YWHAZ: variants seen among roughly 807,000 people sequenced by gnomAD.
YWHAZ encodes 14-3-3 protein zeta/delta.
For missense variants in YWHAZ, 79 were observed against 284.8 expected, an observed-to-expected ratio of 0.28 and a Z score of 5.20; for synonymous variants, 87 against 103.6, an observed-to-expected ratio of 0.84 and a Z score of 0.97.
upstream of YWHAZ, chr8:100,952,795 G>A: frequency 1.0e-6 from 1 of 1,000,132 alleles, no homozygotes; most frequent in Non-Finnish European, 1.2e-6. Flanking sequence ...TCCCCGGCTG[G>A]GCCGACCGGG....
At chr8:100,941,572 G>C (rs980889127) in intron 2 of YWHAZ, among the ~76,000 whole-genome samples, 8 of 152,138 alleles carry the variant, frequency 5.3e-5, no homozygotes, top group Non-Finnish European at 1.0e-4. Flanking sequence ...ATCACCTGAG[G>C]TCAGGAGTTC....
chr8:100,942,464 G>A (rs759996125), intron 2 of YWHAZ, among the ~76,000 whole-genome samples: 24 of 152,170 alleles, frequency 1.6e-4, no homozygotes, highest in Non-Finnish European at 3.1e-4. Context: ...AAAAAAGAGA[G>A]AACTGCTGAT....
upstream of YWHAZ, chr8:100,952,087 CCGGCAGCAGGGGCA>C: frequency 1.0e-6 from 1 of 987,224 alleles, no homozygotes; most frequent in Non-Finnish European, 1.2e-6. Flanking sequence ...ATCACCAGCC[CCGGCAGCAGGGGCA>C]CCACACGCAC....
intron 2 of YWHAZ, among the ~76,000 whole-genome samples, chr8:100,933,824 A>G (rs1207427893): frequency 6.6e-6 from 1 of 152,138 alleles, no homozygotes; most frequent in Non-Finnish European, 1.5e-5. Context: ...CCTAAGCAAT[A>G]TAGCAAGACC....
At position 100,918,416 on chromosome 8, in the gene YWHAZ, A is replaced by ATATATATT. The variant is rs1383659068; in HGVS notation, c.*2276_*2277insAATATATA. The ATATATATT allele has an allele frequency of 3.7e-4, 24 of 64,830 alleles. No individual in the cohort carries two copies. The highest frequency in any genetic ancestry group is 6.1e-4 in the Non-Finnish European group (20 of 32,616). The allele number at this position is 64,830 out of a possible 1,614,324, so 4.0% of individuals were successfully genotyped here. A position where few individuals can be genotyped will look rare whatever the true frequency, so the allele number is the denominator to read the frequency against. ...TATAAAATATAATTACTTTATATAT[A>ATATATATT]TATATATATATATATATATATATAT... On this transcript the variant is annotated 3_prime_UTR_variant, in exon 6 of 6. Transcript: ENST00000395958.
At position 100,920,726 on chromosome 8, in the gene YWHAZ, G is replaced by A. The variant is rs201341083; in HGVS notation, c.705C>T (p.Asp235=). Residue 235 remains aspartate (D), a synonymous_variant, in exon 6 of 6, where the codon GAC becomes GAT. Coordinates refer to ENST00000395958, the MANE Select transcript of YWHAZ (RefSeq NM_145690.3). ...LTLWTSDTQG[D]EAEAGEGGEN ...CCCCTCCTTCTCCTGCTTCAGCTTC[G>A]TCTCCTTGGGTATCCGATGTCCACA... 365 of 1,466,928 alleles carry A rather than the reference G, an allele frequency of 2.5e-4. 3 individuals are homozygous for A. The East Asian group carries it at 8.7e-3, about 35-fold the overall frequency. 90.9% of individuals were successfully genotyped at this position (1,466,928 alleles called of 1,614,324 possible).
chr8:100,948,514 C>A lies in YWHAZ; in HGVS notation c.294+82G>T. On this transcript the variant is annotated intron_variant, in intron 2 of 5. Transcript: ENST00000395958. The surrounding 1 kb of genome is among the most constrained non-coding windows in gnomAD (Gnocchi z 4.2). ...ACAATGTTTAGAAGGAAAAGAAAAA[C>A]CAAACAAAAAGTTAAGAGTAATGTA... is the stretch of plus-strand genomic sequence containing the variant. 6.9e-7 allele frequency: 1 copy of A among 1,452,274 alleles called. No homozygotes were observed. Among genetic ancestry groups the A allele is most frequent in the Non-Finnish European group, 9.2e-7 (1 of 1,081,762 alleles). The allele number at this position is 1,452,274 out of a possible 1,614,324, so 90.0% of individuals were successfully genotyped here.
chr8:100,943,208 A>G (rs772725061), intron 2 of YWHAZ, among the ~76,000 whole-genome samples: 4 of 152,244 alleles, frequency 2.6e-5, no homozygotes, highest in Non-Finnish European at 5.9e-5. Flanking sequence ...CAGCAGTTCT[A>G]AGTCCCCTAA....
At chr8:100,932,770 T>C (rs554273819) in intron 2 of YWHAZ, among the ~76,000 whole-genome samples, 1 of 152,288 alleles carries the variant, frequency 6.6e-6, no homozygotes, top group Admixed American at 6.5e-5. Flanking sequence ...TGCAAGTGTT[T>C]TTCTTAGAGA....
intron 2 of YWHAZ, among the ~76,000 whole-genome samples, chr8:100,932,627 G>A (rs962847626): frequency 1.3e-5 from 2 of 152,068 alleles, no homozygotes; most frequent in Non-Finnish European, 2.9e-5. Context: ...AAAGTGAGAG[G>A]CTCAATTCAT....
chr8:100,950,767 C>T (rs1336533923), intron 1 of YWHAZ: 1 of 209,916 alleles, frequency 4.8e-6, no homozygotes, highest in Non-Finnish European at 8.3e-6. Flanking sequence ...ACACCCCGCT[C>T]TCCCACCCAG....
At chr8:100,936,081 C>T (rs943744627) in intron 2 of YWHAZ, among the ~76,000 whole-genome samples, 1 of 152,112 alleles carries the variant, frequency 6.6e-6, no homozygotes, top group African/African-American at 2.4e-5. Flanking sequence ...GCCAACCTGC[C>T]ACTATACACT....
In YWHAZ at chr8:100,922,099, G is replaced by T. The variant is rs1231853305; in HGVS notation, c.679-1347C>A. ...CTGTCAAACAAGGGGTTTTGTAATTGCAAGATGAAATTGTTTCTAATGTCT... is the reference window on the plus strand; with the variant it reads ...CTGTCAAACAAGGGGTTTTGTAATTTCAAGATGAAATTGTTTCTAATGTCT... On this transcript the variant is annotated intron_variant, in intron 5 of 5. Coordinates refer to ENST00000395958, the MANE Select transcript of YWHAZ (RefSeq NM_145690.3). The surrounding 1 kb of genome is among the most constrained non-coding windows in gnomAD (Gnocchi z 4.1). Among the ~76,000 whole-genome samples the T allele has an allele frequency of 6.6e-6, 1 of 152,188 alleles. No individual in the cohort carries two copies. Among genetic ancestry groups the T allele is most frequent in the Non-Finnish European group, 1.5e-5 (1 of 68,020 alleles).
intron 1 of YWHAZ, among the ~76,000 whole-genome samples, chr8:100,949,344 T>C (rs1810533179): frequency 6.6e-6 from 1 of 152,206 alleles, no homozygotes; most frequent in Non-Finnish European, 1.5e-5. Flanking sequence ...AGAATCATAA[T>C]TCATATCAGT....
chr8:100,938,624 T>A (rs1369094232), intron 2 of YWHAZ, among the ~76,000 whole-genome samples: 1 of 152,234 alleles, frequency 6.6e-6, no homozygotes, highest in African/African-American at 2.4e-5. Context: ...AATTTTCCTA[T>A]AATTTTTATT....
In YWHAZ at chr8:100,932,307, C is replaced by T. The variant is rs183901611; in HGVS notation, c.295-7268G>A. ...TAACTGATCTTAACCCACCCACTCACCCACCCAAAAACCACCTTAGCTCTG... is the reference window on the plus strand; with the variant it reads ...TAACTGATCTTAACCCACCCACTCATCCACCCAAAAACCACCTTAGCTCTG... On this transcript the variant is annotated intron_variant, in intron 2 of 5. Coordinates refer to ENST00000395958, the MANE Select transcript of YWHAZ (RefSeq NM_145690.3). 2.0e-5 allele frequency among the ~76,000 whole-genome samples: 3 copies of T among 152,230 alleles called. No individual in the cohort carries two copies. The East Asian group carries it at 5.8e-4, about 29-fold the overall frequency.
chr8:100,951,264 C>T, intron 1 of YWHAZ: 2 of 984,810 alleles, frequency 2.0e-6, no homozygotes, highest in Non-Finnish European at 2.4e-6. Context: ...CAGGCCTGGG[C>T]TCCGGCCCGC....
rs759908909 is a variant in YWHAZ at position 100,924,882 on chromosome 8, A to G, written c.418+34T>C. On this transcript the variant is annotated intron_variant, in intron 3 of 5. Transcript: ENST00000395958. The surrounding 1 kb of genome is among the most constrained non-coding windows in gnomAD (Gnocchi z 5.7). ...ACTCTTCCTCACTATGTTATCTTAT[A>G]CAAGTTCAACCAACAGGTTTAAAAA... The G allele has an allele frequency of 1.2e-6, 2 of 1,610,770 alleles. No individual in the cohort carries two copies. Among genetic ancestry groups the G allele is most frequent in the Non-Finnish European group, 1.7e-6 (2 of 1,179,286 alleles).
chr8:100,949,652 G>A (rs973712798), intron 1 of YWHAZ, among the ~76,000 whole-genome samples: 1 of 152,138 alleles, frequency 6.6e-6, no homozygotes, highest in African/African-American at 2.4e-5. Context: ...GTGAGTACTA[G>A]AATATATCAC....
Sources: gnomAD v4.1 joint callset for allele counts (sites outside exome capture counted in the v4.1 genomes callset) on GRCh38, gnomAD v4.1.1 for gene constraint, Gnocchi (gnomAD v3.1) non-coding constraint, MANE v1.5 for transcripts, NCBI Gene and HGNC (gene_info 2026-07-23, HGNC 2026-07-21) for gene names.